PRKG1: variants seen among roughly 807,000 people sequenced by gnomAD.
The protein encoded by PRKG1 is protein kinase cGMP-dependent 1.
A neutral mutation model predicts 88.1 loss-of-function variants in PRKG1; 35 were observed. The ratio of observed to expected loss-of-function variants is 0.40; its 90% CI spans 0.30 to 0.53. The LOEUF (loss-of-function observed/expected upper bound fraction) is 0.53. Ranked by LOEUF, PRKG1 falls within the 20% of genes least tolerant of loss-of-function variation. PRKG1 has a pLI of 0.59. For missense variants in PRKG1, 540 were observed against 839.8 expected, an observed-to-expected ratio of 0.64 and a Z score of 4.41; for synonymous variants, 303 against 292.5, an observed-to-expected ratio of 1.04 and a Z score of -0.37.
intron 5 of PRKG1, among the ~76,000 whole-genome samples, chr10:51,987,227 G>A (rs1376769766): frequency 3.3e-5 from 5 of 152,022 alleles, no homozygotes; most frequent in Non-Finnish European, 1.5e-5. Flanking sequence ...CAAAGGAAAG[G>A]AAAAGTCTCT....
intron 2 of PRKG1, among the ~76,000 whole-genome samples, chr10:51,199,157 T>C (rs1837848703): frequency 6.6e-6 from 1 of 152,202 alleles, no homozygotes; most frequent in Non-Finnish European, 1.5e-5. Flanking sequence ...GCCAAATGTC[T>C]ACACATGTTA....
At chr10:51,964,853 A>G (rs1843529988) in intron 5 of PRKG1, among the ~76,000 whole-genome samples, 1 of 152,208 alleles carries the variant, frequency 6.6e-6, no homozygotes, top group African/African-American at 2.4e-5. Context: ...AATAAACCTG[A>G]GTGTCCTACA....
intron 9 of PRKG1, among the ~76,000 whole-genome samples, chr10:52,232,168 T>C (rs11001298): frequency 0.13 from 19,552 of 151,726 alleles, 2,222 homozygotes; most frequent in African/African-American, 0.31. Context: ...CCGGGCATGA[T>C]GGTGGGCGCC....
chr10:51,984,842 G>T (rs896801587), intron 5 of PRKG1, among the ~76,000 whole-genome samples: 1 of 152,098 alleles, frequency 6.6e-6, no homozygotes, highest in Non-Finnish European at 1.5e-5. Context: ...AACAGAAAAA[G>T]AAAATCCTAT....
At chr10:51,397,771 C>T (rs1044453838) in intron 2 of PRKG1, among the ~76,000 whole-genome samples, 37 of 152,226 alleles carry the variant, frequency 2.4e-4, no homozygotes, top group African/African-American at 8.7e-4. Context: ...ACCTAACCTG[C>T]TCCTGCCTTT....
chr10:51,399,323 G>A (rs927128687), intron 2 of PRKG1, among the ~76,000 whole-genome samples: 3 of 152,060 alleles, frequency 2.0e-5, no homozygotes, highest in Non-Finnish European at 4.4e-5. Context: ...AAATCTTATT[G>A]GTTCTGTTTC....
intron 3 of PRKG1, among the ~76,000 whole-genome samples, chr10:51,724,958 C>T (rs1842097944): frequency 6.7e-6 from 1 of 149,018 alleles, no homozygotes; most frequent in African/African-American, 2.5e-5. Flanking sequence ...AATCCTCCTG[C>T]CTTGGCCTCC....
chr10:51,481,856 T>C (rs903095795), intron 3 of PRKG1, among the ~76,000 whole-genome samples: 2 of 152,142 alleles, frequency 1.3e-5, no homozygotes, highest in African/African-American at 4.8e-5. Context: ...TCTTAGCAAA[T>C]TGTGAACAGA....
chr10:52,137,558 C>T (rs188955968), intron 8 of PRKG1, among the ~76,000 whole-genome samples: 2 of 152,200 alleles, frequency 1.3e-5, no homozygotes, highest in African/African-American at 4.8e-5. Flanking sequence ...TCCACAGATG[C>T]TGAAGTCCCT....
chr10:52,049,246 C>A (rs2133244274), intron 5 of PRKG1, among the ~76,000 whole-genome samples: 1 of 152,046 alleles, frequency 6.6e-6, no homozygotes, highest in Non-Finnish European at 1.5e-5. Context: ...TTATGAGGCC[C>A]CAGTGATGAC....
chr10:51,960,549 A>G (rs1027839063), intron 5 of PRKG1, among the ~76,000 whole-genome samples: 1 of 149,000 alleles, frequency 6.7e-6, no homozygotes, highest in East Asian at 2.0e-4. Context: ...TTTTCTGTTC[A>G]TGTAGTGTCA....
intron 3 of PRKG1, among the ~76,000 whole-genome samples, chr10:51,482,566 C>T (rs1489337132): frequency 6.6e-6 from 1 of 152,192 alleles, no homozygotes; most frequent in Non-Finnish European, 1.5e-5. Context: ...TTCCCCCTTA[C>T]ATCTACCCTG....
chr10:52,166,801 A>ATATGTATATATATG (rs1183876893), intron 9 of PRKG1, among the ~76,000 whole-genome samples: 15 of 1,702 alleles, frequency 8.8e-3, no homozygotes, highest in East Asian at 0.083. Flanking sequence ...ATATATACAT[A>ATATGTATATATATG]TATATATGTA....
intron 2 of PRKG1, among the ~76,000 whole-genome samples, chr10:51,323,652 G>A (rs757454208): frequency 4.1e-4 from 62 of 152,176 alleles, no homozygotes; most frequent in Non-Finnish European, 8.2e-4. Context: ...CCTGGAGAAG[G>A]ATGCTCTTTT....
At chr10:51,085,042 G>C (rs1037459977) in intron 1 of PRKG1, among the ~76,000 whole-genome samples, 2 of 152,174 alleles carry the variant, frequency 1.3e-5, no homozygotes, top group Admixed American at 1.3e-4. Context: ...AGTTTGGACT[G>C]AAAAGAAAGA....
At position 51,530,316 on chromosome 10, in the gene PRKG1, T is replaced by C. The variant is rs1459263018; in HGVS notation, c.592+62480T>C. Among the ~76,000 whole-genome samples, 3 of 152,204 alleles carry C rather than the reference T, an allele frequency of 2.0e-5. No individual in the cohort carries two copies. The East Asian group carries it at 5.8e-4, about 29-fold the overall frequency. ...TGTAAGCATGTTGTTGATTTCCTAT[T>C]TTAAAATTATTAAAGGAAGAAATAT... On this transcript the variant is annotated intron_variant, in intron 3 of 17. Transcript: ENST00000373980.
At chr10:51,983,891 G>T (rs1214985119) in intron 5 of PRKG1, among the ~76,000 whole-genome samples, 4 of 152,224 alleles carry the variant, frequency 2.6e-5, no homozygotes, top group Non-Finnish European at 5.9e-5. Context: ...CCTGTGCCGG[G>T]TTCCCAGCTT....
rs535162180 is a variant in PRKG1 at position 51,807,542 on chromosome 10, A to G, written c.698+2852A>G. On this transcript the variant is annotated intron_variant, in intron 4 of 17. Coordinates refer to ENST00000373980, the MANE Select transcript of PRKG1 (RefSeq NM_006258.4). ...CAATACAGGGGAAAACTGCATTTTTATGCTTAGGTTTAATGAGAATGGGCA... is the reference window on the plus strand; with the variant it reads ...CAATACAGGGGAAAACTGCATTTTTGTGCTTAGGTTTAATGAGAATGGGCA... 3.9e-5 allele frequency among the ~76,000 whole-genome samples: 6 copies of G among 152,314 alleles called. No homozygotes were observed. In the South Asian group the frequency reaches 1.2e-3, roughly 32 times the overall value.
chr10:52,030,318 C>T (rs898731446), intron 5 of PRKG1, among the ~76,000 whole-genome samples: 3 of 152,158 alleles, frequency 2.0e-5, no homozygotes, highest in South Asian at 2.1e-4. Context: ...TCAGATCAGC[C>T]GCTAACTTTT....
Sources: gnomAD v4.1 joint callset for allele counts (sites outside exome capture counted in the v4.1 genomes callset) on GRCh38, gnomAD v4.1.1 for gene constraint, MANE v1.5 for transcripts, NCBI Gene and HGNC (gene_info 2026-07-23, HGNC 2026-07-21) for gene names.